Variants in OSBPL11 observed in about 807,000 individuals in gnomAD.
OSBPL11 encodes oxysterol-binding protein-related protein 11.
Under a neutral mutation model 84.4 loss-of-function variants are expected in OSBPL11, and 33 were observed. That is an observed-to-expected ratio of 0.39 (90% CI 0.30 to 0.52). The LOEUF (loss-of-function observed/expected upper bound fraction) is 0.52. OSBPL11 is among the 20% of genes least tolerant of loss of function. OSBPL11 has a pLI of 0.72. For synonymous variants in OSBPL11, 276 were observed against 310.2 expected, an observed-to-expected ratio of 0.89 and a Z score of 1.16; for missense variants, 736 against 901.1, an observed-to-expected ratio of 0.82 and a Z score of 2.35.
rs1236930312 is a variant in OSBPL11 at position 125,529,873 on chromosome 3, A to G, written c.*642T>C. ...ATTCTCCATGGTTATAATTCTGATC[A>G]ATCTATAAATGTACTTTTTAAAAGA... On this transcript the variant is annotated 3_prime_UTR_variant, in exon 13 of 13. Coordinates refer to ENST00000296220, the MANE Select transcript of OSBPL11 (RefSeq NM_022776.5). 1 of 152,678 alleles carries G rather than the reference A, an allele frequency of 6.5e-6. No homozygotes were observed. The highest frequency in any genetic ancestry group is 1.5e-5 in the Non-Finnish European group (1 of 68,056). The allele number at this position is 152,678 out of a possible 1,614,324, so 9.5% of individuals were successfully genotyped here. A position where few individuals can be genotyped will look rare whatever the true frequency, so the allele number is the denominator to read the frequency against.
chr3:125,535,759 G>A (rs1417901592), intron 11 of OSBPL11, among the ~76,000 whole-genome samples: 1 of 151,572 alleles, frequency 6.6e-6, no homozygotes, highest in East Asian at 1.9e-4. Context: ...ATAGGCGTGA[G>A]CCACCACACC....
At chr3:125,542,702 G>A (rs1935750088) in intron 10 of OSBPL11, among the ~76,000 whole-genome samples, 1 of 152,050 alleles carries the variant, frequency 6.6e-6, no homozygotes, top group Non-Finnish European at 1.5e-5. Context: ...AGTAGAGACG[G>A]GGTTTCACTG....
At chr3:125,567,741 C>T in intron 5 of OSBPL11, 146 bp from the exon 6 acceptor site, 1 of 669,988 alleles carries the variant, frequency 1.5e-6, no homozygotes, top group Non-Finnish European at 2.5e-6. Flanking sequence ...ACCTATAATC[C>T]CGGCATTTTG....
intron 9 of OSBPL11, among the ~76,000 whole-genome samples, chr3:125,551,651 C>T (rs527675167): frequency 1.5e-4 from 22 of 151,620 alleles, no homozygotes; most frequent in South Asian, 4.2e-4. Flanking sequence ...TGGTGGCAGG[C>T]GCCATAATCC....
chr3:125,569,069 C>T (rs1466180838), intron 5 of OSBPL11, among the ~76,000 whole-genome samples: 1 of 152,070 alleles, frequency 6.6e-6, no homozygotes, highest in East Asian at 1.9e-4. Context: ...CTCAGCCTCC[C>T]GGGTAGCTGG....
chr3:125,594,831 A>G lies in OSBPL11; in HGVS notation c.-31T>C. 1 of 1,607,376 alleles carries G rather than the reference A, an allele frequency of 6.2e-7. No homozygotes were observed. The highest frequency in any genetic ancestry group is 8.5e-7 in the Non-Finnish European group (1 of 1,176,106). On this transcript the variant is annotated 5_prime_UTR_variant, in exon 1 of 13. Transcript: ENST00000296220. ...CGCCAAAGTCCACTTGCCCTTCTTG[A>G]GCGGGAGAGAACAATTCTGTAGTTC...
intron 6 of OSBPL11, 138 bp downstream of exon 6, chr3:125,567,256 A>C (rs989129740): frequency 1.4e-6 from 1 of 707,912 alleles, no homozygotes. Context: ...CATCAGCATG[A>C]TAATTAAAAA....
chr3:125,565,359 C>G (rs544151642), intron 6 of OSBPL11, among the ~76,000 whole-genome samples: 29 of 151,994 alleles, frequency 1.9e-4, no homozygotes, highest in Non-Finnish European at 4.3e-4. Context: ...TAGAATTAAC[C>G]CAAATTTCAT....
At chr3:125,546,136 A>G (rs1280875355) in intron 10 of OSBPL11, among the ~76,000 whole-genome samples, 4 of 150,790 alleles carry the variant, frequency 2.7e-5, no homozygotes, top group Non-Finnish European at 5.9e-5. Flanking sequence ...AAAAAAAAAA[A>G]AAGAATAGGA....
chr3:125,595,437 C>G lies in OSBPL11; in HGVS notation c.-637G>C, dbSNP rs1936670923. On this transcript the variant is annotated 5_prime_UTR_variant, in exon 1 of 13. Coordinates refer to ENST00000296220, the MANE Select transcript of OSBPL11 (RefSeq NM_022776.5). Reference sequence around the variant, plus strand: ...TCCTCTTATGCCCCTGGCCCGGGCCCTCGACTGGGTTCCCAGGAGCCGGTG... The same window carrying G: ...TCCTCTTATGCCCCTGGCCCGGGCCGTCGACTGGGTTCCCAGGAGCCGGTG... Among the ~76,000 whole-genome samples, 1 of 152,214 alleles carries G rather than the reference C, an allele frequency of 6.6e-6. No individual in the cohort carries two copies. Among genetic ancestry groups the G allele is most frequent in the Admixed American group, 6.5e-5 (1 of 15,290 alleles).
intron 11 of OSBPL11, among the ~76,000 whole-genome samples, chr3:125,532,415 A>T (rs138968224): frequency 6.6e-6 from 1 of 152,278 alleles, no homozygotes; most frequent in Non-Finnish European, 1.5e-5. Context: ...ACCAGGCAAC[A>T]TATAATACAA....
chr3:125,560,537 CAA>C lies in OSBPL11; in HGVS notation c.1015-20_1015-19del. On this transcript the variant is annotated intron_variant, in intron 7 of 12. Coordinates refer to ENST00000296220, the MANE Select transcript of OSBPL11 (RefSeq NM_022776.5). ...TCAGGCTCCTTGATGGAAAACAAAG[CAA>C]AAGTCTAGTATTTTAACTACCTATT... 6.5e-7 allele frequency: 1 copy of C among 1,537,060 alleles called. No homozygotes were observed. Among genetic ancestry groups the C allele is most frequent in the Non-Finnish European group, 8.8e-7 (1 of 1,135,802 alleles).
Position 125,530,578 on chromosome 3 carries a change from T to C in OSBPL11, c.2181A>G (p.Gly727=). 1 of 1,612,536 alleles carries C rather than the reference T, an allele frequency of 6.2e-7. No individual in the cohort carries two copies. The highest frequency in any genetic ancestry group is 8.5e-7 in the Non-Finnish European group (1 of 1,178,600). Residue 727 remains glycine, a splice_region_variant and synonymous_variant, in exon 13 of 13, where the codon GGA becomes GGG. Transcript: ENST00000296220. The part of the protein sequence containing the change: ...PWKTKYFIKE[G]DGWVYHKPLW... ...GTGGTTTATGATAAACCCAGCCATCTCCCTGAAACAAATAAAAAGATAAAG... is the reference window on the plus strand; with the variant it reads ...GTGGTTTATGATAAACCCAGCCATCCCCCTGAAACAAATAAAAAGATAAAG...
intron 8 of OSBPL11, among the ~76,000 whole-genome samples, chr3:125,553,796 A>G (rs1440459711): frequency 3.3e-5 from 5 of 152,244 alleles, no homozygotes; most frequent in Non-Finnish European, 5.9e-5. Context: ...AATACAAAAG[A>G]CAGTGGATGT....
At position 125,531,968 on chromosome 3, in the gene OSBPL11, C is replaced by T. The variant is rs1340712323; in HGVS notation, c.2071G>A (p.Asp691Asn). The T allele has an allele frequency of 2.5e-6, 4 of 1,612,600 alleles. No homozygotes were observed. In the South Asian group the frequency reaches 4.4e-5, roughly 18 times the overall value. The change falls in exon 12 of 13, where the codon GAT becomes AAT. Residue 691 changes from aspartate to asparagine, a missense_variant. Asp to Asn is a conservative substitution (Grantham distance 23, BLOSUM62 1). Transcript: ENST00000296220. ...GTATGCTTATGCTCTGTGGCCTTAT[C>T]AATTTCAGATTCTCTCAGCGAGTCT... ...VTDSLRESEI[D>N]KATEHKHTLE... is the part of the protein sequence containing the mutation.
In OSBPL11 at chr3:125,563,843, C is replaced by T. The variant is rs774442969; in HGVS notation, c.869G>A (p.Gly290Glu). Residue 290 changes from glycine to glutamate, a missense_variant and splice_region_variant, in exon 7 of 13, where the codon GGA becomes GAA. Transcript: ENST00000296220. ...TGGTTCTAACCACTCGATTGTCGTT[C>T]CTGATGGAGTAAGAGAAAACTTTCG... Reference protein sequence around the residue: ...ASHQKGSLPSGTTIEWLEPKI... With the variant: ...ASHQKGSLPSETTIEWLEPKI... The T allele has an allele frequency of 1.6e-5, 26 of 1,612,480 alleles. No individual in the cohort carries two copies. The East Asian group carries it at 1.8e-4, about 11-fold the overall frequency.
chr3:125,577,467 T>A (rs1406607933), intron 4 of OSBPL11, among the ~76,000 whole-genome samples: 1 of 152,298 alleles, frequency 6.6e-6, no homozygotes, highest in East Asian at 1.9e-4. Context: ...TTCCACTTCA[T>A]ATCCACTAAG....
At chr3:125,564,655 T>TC (rs1290286243) in intron 6 of OSBPL11, among the ~76,000 whole-genome samples, 2 of 148,594 alleles carry the variant, frequency 1.3e-5, no homozygotes, top group Non-Finnish European at 3.0e-5. Context: ...AAATGTATTA[T>TC]CCTTTTTTTT....
intron 5 of OSBPL11, 85 bp downstream of exon 5, chr3:125,576,104 C>T (rs1936317712): frequency 2.4e-6 from 3 of 1,252,656 alleles, no homozygotes; most frequent in Non-Finnish European, 3.4e-6. Flanking sequence ...CTTGAAGACA[C>T]AAACAGTATT....
Sources: allele counts gnomAD v4.1 joint callset (sites outside exome capture counted in the v4.1 genomes callset), GRCh38; gene constraint gnomAD v4.1.1; transcripts MANE v1.5; gene names NCBI Gene and HGNC (gene_info 2026-07-23, HGNC 2026-07-21).